The following CAMTA1 variants were observed in gnomAD, a reference collection of about 807,000 sequenced individuals.
CAMTA1 encodes calmodulin-binding transcription activator 1.
Under a neutral mutation model 170.9 loss-of-function variants are expected in CAMTA1, and 27 were observed. The observed-to-expected ratio is 0.16, with a 90% CI of 0.12 to 0.22. The LOEUF is 0.22. Among genes scored for constraint, CAMTA1 ranks in the 10% least tolerant of loss-of-function variants. CAMTA1 has a pLI of 1.00. For synonymous variants in CAMTA1, 833 were observed against 891.5 expected (o/e 0.93, Z 1.17); for missense variants, 1,619 against 2,217.2 (o/e 0.73, Z 5.42).
chr1:7,645,772 G>A (rs1181972078), intron 7 of CAMTA1, among the ~76,000 whole-genome samples: 1 of 152,280 alleles, frequency 6.6e-6, no homozygotes, highest in African/African-American at 2.4e-5. Flanking sequence ...CAGGAGGGCT[G>A]GCTGTGGAAT....
intron 3 of CAMTA1, among the ~76,000 whole-genome samples, chr1:6,871,016 A>G (rs1025488236): frequency 6.6e-6 from 1 of 152,222 alleles, no homozygotes; most frequent in East Asian, 1.9e-4. Flanking sequence ...CCATAGGTCT[A>G]TCCTTTTAAA....
intron 6 of CAMTA1, among the ~76,000 whole-genome samples, chr1:7,597,501 A>C (rs1476256927): frequency 6.6e-6 from 1 of 152,202 alleles, no homozygotes; most frequent in Non-Finnish European, 1.5e-5. Context: ...GCTGCAGCAG[A>C]AGATGTGTTT....
chr1:6,882,314 A>G (rs985274391), intron 3 of CAMTA1, among the ~76,000 whole-genome samples: 1 of 152,202 alleles, frequency 6.6e-6, no homozygotes, highest in African/African-American at 2.4e-5. Context: ...TGAAAGATCT[A>G]TACTGTTTGG....
intron 4 of CAMTA1, among the ~76,000 whole-genome samples, chr1:7,151,809 G>A (rs2148691165): frequency 6.6e-6 from 1 of 152,298 alleles, no homozygotes; most frequent in East Asian, 1.9e-4. Flanking sequence ...GTTCGAGTGT[G>A]CATACTCCGT....
chr1:7,357,791 G>A (rs1406361724), intron 5 of CAMTA1, among the ~76,000 whole-genome samples: 1 of 152,192 alleles, frequency 6.6e-6, no homozygotes. Context: ...TGCTCCTTTT[G>A]ATTCAGGGAA....
chr1:7,473,243 C>T (rs1454005385), intron 6 of CAMTA1, among the ~76,000 whole-genome samples: 4 of 152,192 alleles, frequency 2.6e-5, no homozygotes, highest in African/African-American at 9.6e-5. Flanking sequence ...TGCCCCAGGC[C>T]ATCTGCCCTC....
rs1038727798 is a variant in CAMTA1 at position 7,221,807 on chromosome 1, A to G, written c.303-27684A>G. On this transcript the variant is annotated intron_variant, in intron 4 of 22. Transcript: ENST00000303635. ...TGGGAAGATTAAATAAGATAAAGGA[A>G]TGGCAAAGTTTTATCCCATGGTCAG... is the stretch of plus-strand genomic sequence containing the variant. Among the ~76,000 whole-genome samples, 3 of 152,240 alleles carry G rather than the reference A, an allele frequency of 2.0e-5. No individual in the cohort carries two copies. The East Asian group carries it at 5.8e-4, about 29-fold the overall frequency.
At chr1:7,403,217 G>C (rs1181252256) in intron 5 of CAMTA1, among the ~76,000 whole-genome samples, 2 of 152,134 alleles carry the variant, frequency 1.3e-5, no homozygotes, top group Non-Finnish European at 1.5e-5. Flanking sequence ...AGCCAGGCGT[G>C]ATGACGGGTG....
intron 2 of CAMTA1, among the ~76,000 whole-genome samples, chr1:6,824,044 T>TA (rs1646831572): frequency 6.6e-6 from 1 of 152,168 alleles, no homozygotes; most frequent in African/African-American, 2.4e-5. Flanking sequence ...GACTCTTGAC[T>TA]CTGAGTTCAG....
At chr1:6,792,951 A>G (rs1294814553) in intron 1 of CAMTA1, among the ~76,000 whole-genome samples, 2 of 152,080 alleles carry the variant, frequency 1.3e-5, no homozygotes, top group African/African-American at 4.8e-5. Context: ...ATAGTTTTAA[A>G]CATGTTATTA....
At chr1:7,591,501 G>C (rs1164160553) in intron 6 of CAMTA1, among the ~76,000 whole-genome samples, 1 of 152,182 alleles carries the variant, frequency 6.6e-6, no homozygotes, top group Non-Finnish European at 1.5e-5. Flanking sequence ...ACTGCTCCAA[G>C]GCCTCAAAGT....
intron 6 of CAMTA1, among the ~76,000 whole-genome samples, chr1:7,582,835 G>A (rs1018817850): frequency 6.6e-6 from 1 of 151,736 alleles, no homozygotes; most frequent in African/African-American, 2.4e-5. Flanking sequence ...AGGAGACTGG[G>A]GACTGAGGAA....
rs185920942 is a variant in CAMTA1 at position 6,846,108 on chromosome 1, C to T, written c.234+20898C>T. 4.5e-4 allele frequency among the ~76,000 whole-genome samples: 68 copies of T among 152,302 alleles called. No homozygotes were observed. In the East Asian group the frequency reaches 8.1e-3, roughly 18 times the overall value. ...TGATTCAATTATCTCCACCTGGCCC[C>T]GCCCTTGACACATGGGAATTATTAC... On this transcript the variant is annotated intron_variant, in intron 3 of 22. Transcript: ENST00000303635.
At chr1:7,531,530 T>G (rs2094492315) in intron 6 of CAMTA1, among the ~76,000 whole-genome samples, 1 of 152,080 alleles carries the variant, frequency 6.6e-6, no homozygotes, top group African/African-American at 2.4e-5. Flanking sequence ...GAACCCCAAG[T>G]CCAGGAAGGA....
At chr1:7,139,970 A>G (rs1645799881) in intron 4 of CAMTA1, among the ~76,000 whole-genome samples, 1 of 152,210 alleles carries the variant, frequency 6.6e-6, no homozygotes, top group Non-Finnish European at 1.5e-5. Flanking sequence ...GTTACCATTT[A>G]TTGAGTGTTT....
intron 5 of CAMTA1, among the ~76,000 whole-genome samples, chr1:7,307,128 A>C (rs1675714252): frequency 6.6e-6 from 1 of 151,976 alleles, no homozygotes; most frequent in African/African-American, 2.4e-5. Flanking sequence ...AATTCTTGTT[A>C]GTATTTTGTA....
chr1:6,798,887 C>T (rs1189862522), intron 1 of CAMTA1, among the ~76,000 whole-genome samples: 1 of 147,004 alleles, frequency 6.8e-6, no homozygotes, highest in Non-Finnish European at 1.5e-5. Context: ...TTAGCCTCCA[C>T]CTCCACGCCT....
intron 3 of CAMTA1, among the ~76,000 whole-genome samples, chr1:6,832,678 G>T (rs1391794242): frequency 1.3e-5 from 2 of 152,202 alleles, no homozygotes; most frequent in African/African-American, 4.8e-5. Context: ...TGGAAAGTCA[G>T]TTAACCTTTA....
chr1:7,220,643 A>G (rs1338821838), intron 4 of CAMTA1, among the ~76,000 whole-genome samples: 1 of 152,198 alleles, frequency 6.6e-6, no homozygotes, highest in African/African-American at 2.4e-5. Context: ...GGATCTCTCC[A>G]GAGGAGGGTT....
Sources: gnomAD v4.1 joint callset for allele counts (sites outside exome capture counted in the v4.1 genomes callset) on GRCh38, gnomAD v4.1.1 for gene constraint, MANE v1.5 for transcripts, NCBI Gene and HGNC (gene_info 2026-07-23, HGNC 2026-07-21) for gene names.